The following KLRD1 variants were observed in gnomAD, a reference collection of about 807,000 sequenced individuals.
KLRD1 encodes the protein killer cell lectin like receptor D1, also known as natural killer cells antigen CD94.
In KLRD1, 21 loss-of-function variants were observed where a neutral mutation model predicts 22.6. The ratio of observed to expected loss-of-function variants is 0.93; its 90% CI spans 0.66 to 1.34. KLRD1 has a LOEUF of 1.34. Ranked by LOEUF, KLRD1 falls within the 40% of genes most tolerant of loss-of-function variation. The pLI is 0.00. For synonymous variants in KLRD1, 59 were observed against 71.1 expected, an observed-to-expected ratio of 0.83 and a Z score of 0.85; for missense variants, 183 against 208.6, an observed-to-expected ratio of 0.88 and a Z score of 0.76.
At position 10,324,693 on chromosome 12, in the gene KLRD1, C is replaced by T. The variant is rs1203938439; in HGVS notation, c.*9900C>T. ...TGTTTTGTAGTTTTTAATATTCAGG[C>T]CTTTTATGTTTTTATGAGATTTCCC... On this transcript the variant is annotated 3_prime_UTR_variant, in exon 6 of 6. Coordinates refer to ENST00000336164, the MANE Select transcript of KLRD1 (RefSeq NM_002262.5). 1.3e-5 allele frequency: 2 copies of T among 150,218 alleles called. No individual in the cohort carries two copies. Among genetic ancestry groups the T allele is most frequent in the South Asian group, 2.1e-4 (1 of 4,716 alleles). The allele number at this position is 150,218 out of a possible 1,614,324, so 9.3% of individuals were successfully genotyped here.
At chr12:10,279,368 CACTT>C (rs757556875) in intron 1 of KLRD1, among the ~76,000 whole-genome samples, 5 of 152,268 alleles carry the variant, frequency 3.3e-5, no homozygotes, top group Admixed American at 1.3e-4. Flanking sequence ...CTGTTTTAGT[CACTT>C]ACAGTTTCAG....
At chr12:10,257,227 T>C (rs1949406333) in intron 1 of KLRD1, among the ~76,000 whole-genome samples, 1 of 150,906 alleles carries the variant, frequency 6.6e-6, no homozygotes, top group Non-Finnish European at 1.5e-5. Context: ...TTTTCATTTA[T>C]GCTACTTGGA....
intron 1 of KLRD1, among the ~76,000 whole-genome samples, chr12:10,293,483 C>T (rs1949795636): frequency 6.6e-6 from 1 of 151,830 alleles, no homozygotes; most frequent in South Asian, 2.1e-4. Flanking sequence ...AATCGCTGGC[C>T]AGTGAAGCCG....
Position 10,328,607 on chromosome 12 carries a change from T to G in KLRD1, c.*13814T>G, listed in dbSNP as rs1396551597. The G allele has an allele frequency of 6.6e-6, 1 of 152,218 alleles. No individual in the cohort carries two copies. The highest frequency in any genetic ancestry group is 1.5e-5 in the Non-Finnish European group (1 of 68,034). 9.4% of individuals were successfully genotyped at this position (152,218 alleles called of 1,614,324 possible). The stretch of plus-strand genomic sequence containing the variant: ...TCCAAAAACTAACTCTTAGTTTTGT[T>G]TACTTTTTATATATCCTTTCCATTC... On this transcript the variant is annotated 3_prime_UTR_variant, in exon 6 of 6. Transcript: ENST00000336164.
chr12:10,252,188 G>A (rs1311108033), intron 1 of KLRD1, among the ~76,000 whole-genome samples: 5 of 152,116 alleles, frequency 3.3e-5, no homozygotes. Flanking sequence ...TATAATCCCA[G>A]CACTTTGGGA....
intron 1 of KLRD1, among the ~76,000 whole-genome samples, chr12:10,248,171 C>T (rs1387169520): frequency 1.3e-5 from 2 of 152,012 alleles, no homozygotes; most frequent in African/African-American, 4.8e-5. Context: ...ATTTAGACAC[C>T]GTCATAGGAT....
At chr12:10,307,062 C>T (rs2137685260), upstream of KLRD1, among the ~76,000 whole-genome samples, 1 of 152,202 alleles carries the variant, frequency 6.6e-6, no homozygotes, top group Non-Finnish European at 1.5e-5. Context: ...TTTCAAGATT[C>T]TTATTATAGC....
At chr12:10,264,663 C>T (rs1050534686) in intron 1 of KLRD1, among the ~76,000 whole-genome samples, 2 of 134,432 alleles carry the variant, frequency 1.5e-5, no homozygotes, top group Non-Finnish European at 3.2e-5. Context: ...ATATGTCCAT[C>T]GTCTCACATA....
chr12:10,276,720 T>C (rs1342562029), intron 1 of KLRD1, among the ~76,000 whole-genome samples: 6 of 150,348 alleles, frequency 4.0e-5, no homozygotes, highest in Non-Finnish European at 8.9e-5. Context: ...AGTAAAATAA[T>C]GGTCAATTTC....
intron 1 of KLRD1, among the ~76,000 whole-genome samples, chr12:10,251,753 A>G (rs1218886236): frequency 6.6e-6 from 1 of 151,932 alleles, no homozygotes; most frequent in Non-Finnish European, 1.5e-5. Flanking sequence ...GATTCTCATA[A>G]GAAGCACACA....
At chr12:10,305,358 C>G (rs937142988), upstream of KLRD1, among the ~76,000 whole-genome samples, 1 of 152,120 alleles carries the variant, frequency 6.6e-6, no homozygotes, top group African/African-American at 2.4e-5. Flanking sequence ...TCTGGTTTCT[C>G]TCGGCAGCAC....
rs770865018 is a variant in KLRD1 at position 10,327,064 on chromosome 12, C to T, written c.*12271C>T. ...AGTACTTACATTTAGGCTTTTAATCCATTTGAAATTTATTTTTGCATATGG... is the reference window on the plus strand; with the variant it reads ...AGTACTTACATTTAGGCTTTTAATCTATTTGAAATTTATTTTTGCATATGG... On this transcript the variant is annotated 3_prime_UTR_variant, in exon 6 of 6. Coordinates refer to ENST00000336164, the MANE Select transcript of KLRD1 (RefSeq NM_002262.5). 6.6e-6 allele frequency: 1 copy of T among 152,114 alleles called. No individual in the cohort carries two copies. Among genetic ancestry groups the T allele is most frequent in the Non-Finnish European group, 1.5e-5 (1 of 68,012 alleles). 9.4% of individuals were successfully genotyped at this position (152,114 alleles called of 1,614,324 possible).
chr12:10,257,663 GA>G (rs141329062), intron 1 of KLRD1, among the ~76,000 whole-genome samples: 121,187 of 151,144 alleles, frequency 0.8, 53,120 homozygotes, highest in Non-Finnish European at 0.98. Context: ...TTAACTTTTT[GA>G]GCATATTTAG....
rs770185246 is a variant in KLRD1 at position 10,311,497 on chromosome 12, T to C, written c.197T>C (p.Val66Ala). The C allele has an allele frequency of 1.2e-6, 2 of 1,613,710 alleles. No individual in the cohort carries two copies. Among genetic ancestry groups the C allele is most frequent in the Non-Finnish European group, 8.5e-7 (1 of 1,179,804 alleles). The change falls in exon 4 of 6, where the codon GTT (valine) becomes GCT (alanine). Residue 66 changes from valine (V) to alanine (A), a missense_variant. Coordinates refer to ENST00000336164, the MANE Select transcript of KLRD1 (RefSeq NM_002262.5). ...TGCTGTTCTTGCCAAGAAAAATGGG[T>C]TGGGTACCGGTGCAACTGTTACTTC... Reference protein sequence around the residue: ...SDCCSCQEKWVGYRCNCYFIS... With the variant: ...SDCCSCQEKWAGYRCNCYFIS...
intron 1 of KLRD1, among the ~76,000 whole-genome samples, chr12:10,260,900 C>T (rs1949447173): frequency 6.6e-6 from 1 of 151,734 alleles, no homozygotes; most frequent in African/African-American, 2.4e-5. Context: ...TGAGATCATG[C>T]TACTGCACTC....
intron 1 of KLRD1, among the ~76,000 whole-genome samples, chr12:10,250,039 G>A (rs12370398): frequency 0.16 from 24,773 of 151,946 alleles, 2,617 homozygotes; most frequent in Non-Finnish European, 0.24. Context: ...TACGTTGTCC[G>A]TCATGCTCAG....
At chr12:10,274,686 T>A (rs1252775661) in intron 1 of KLRD1, among the ~76,000 whole-genome samples, 1 of 152,214 alleles carries the variant, frequency 6.6e-6, no homozygotes, top group Non-Finnish European at 1.5e-5. Flanking sequence ...TTCATCCGTG[T>A]CTAAGTAGAC....
At chr12:10,311,011 A>G (rs1247819245) in intron 3 of KLRD1, among the ~76,000 whole-genome samples, 4 of 152,172 alleles carry the variant, frequency 2.6e-5, no homozygotes, top group Non-Finnish European at 5.9e-5. Flanking sequence ...CTCCAAATGT[A>G]CCATATTCTT....
At chr12:10,285,530 G>A (rs1022050360) in intron 1 of KLRD1, among the ~76,000 whole-genome samples, 5 of 152,148 alleles carry the variant, frequency 3.3e-5, no homozygotes, top group African/African-American at 1.2e-4. Flanking sequence ...AGTCCTTTGT[G>A]TATCAATAGT....
Sources: gnomAD v4.1 joint callset for allele counts (sites outside exome capture counted in the v4.1 genomes callset) on GRCh38, gnomAD v4.1.1 for gene constraint, MANE v1.5 for transcripts, NCBI Gene and HGNC (gene_info 2026-07-23, HGNC 2026-07-21) for gene names.